The following WDR48 variants were observed in gnomAD, a reference collection of about 807,000 sequenced individuals.
WDR48 encodes the protein WD repeat domain 48.
Under a neutral mutation model 94.0 loss-of-function variants are expected in WDR48, and 22 were observed. The observed-to-expected ratio is 0.23, with a 90% CI of 0.17 to 0.33. WDR48 has a LOEUF of 0.33. WDR48 is among the 10% of genes least tolerant of loss of function. The pLI, the probability that WDR48 is intolerant of heterozygous loss-of-function variation, is 1.00. For missense variants in WDR48, 541 were observed against 813.8 expected (o/e 0.66, Z 4.08); for synonymous variants, 278 against 280.5 (o/e 0.99, Z 0.09).
At chr3:39,071,201 T>C (rs551498249) in intron 7 of WDR48, among the ~76,000 whole-genome samples, 9 of 152,338 alleles carry the variant, frequency 5.9e-5, no homozygotes, top group Admixed American at 2.0e-4. Context: ...AGAATCATAA[T>C]ATATAGTTTA....
intron 1 of WDR48, among the ~76,000 whole-genome samples, chr3:39,061,380 G>C (rs1386356077): frequency 2.0e-5 from 3 of 151,934 alleles, no homozygotes; most frequent in Non-Finnish European, 4.4e-5. Context: ...ATAGTTTGCT[G>C]AGAATGATGG....
intron 11 of WDR48, among the ~76,000 whole-genome samples, chr3:39,082,705 A>T (rs1401610999): frequency 6.6e-6 from 1 of 152,212 alleles, no homozygotes; most frequent in Non-Finnish European, 1.5e-5. Context: ...AAAACAGGTT[A>T]TCAGGAGAAA....
At position 39,078,316 on chromosome 3, in the gene WDR48, T is replaced by C. The variant is rs2034337208; in HGVS notation, c.1075+77T>C. ...TAGAGATTGACAAAAATCAAGACAA[T>C]GACCTTTCTTTAAATATAATCCTGA... On this transcript the variant is annotated intron_variant, in intron 10 of 18. Coordinates refer to ENST00000302313, the MANE Select transcript of WDR48 (RefSeq NM_020839.4). 3 of 980,930 alleles carry C rather than the reference T, an allele frequency of 3.1e-6. No homozygotes were observed. The South Asian group carries it at 4.3e-5, about 14-fold the overall frequency. 60.8% of individuals were successfully genotyped at this position (980,930 alleles called of 1,614,324 possible).
intron 1 of WDR48, among the ~76,000 whole-genome samples, chr3:39,055,918 T>C (rs74366044): frequency 0.043 from 6,546 of 152,336 alleles, 190 homozygotes; most frequent in Non-Finnish European, 0.065. Context: ...AAGAGGACTT[T>C]TGTGCTCACT....
At chr3:39,087,818 A>G (rs1237344846) in intron 14 of WDR48, 1 of 221,528 alleles carries the variant, frequency 4.5e-6, no homozygotes, top group African/African-American at 2.3e-5. Flanking sequence ...CTTCGTTTAT[A>G]TACAGGCTGT....
In WDR48 at chr3:39,060,420, A is replaced by G. The variant is rs200481688; in HGVS notation, c.49-2630A>G. Among the ~76,000 whole-genome samples the G allele has an allele frequency of 3.3e-4, 16 of 48,334 alleles. No homozygotes were observed. In the African/African-American group the frequency reaches 3.9e-3, roughly 12 times the overall value. 31.7% of individuals were successfully genotyped at this position (48,334 alleles called of 152,430 possible). On this transcript the variant is annotated intron_variant, in intron 1 of 18. Coordinates refer to ENST00000302313, the MANE Select transcript of WDR48 (RefSeq NM_020839.4). Reference sequence around the variant, plus strand: ...GTGTCAGTACAGTGTGTGTGTGTGCATATATATATATATATATGCACACAC... The same window carrying G: ...GTGTCAGTACAGTGTGTGTGTGTGCGTATATATATATATATATGCACACAC...
chr3:39,084,526 T>G, intron 12 of WDR48, 119 bp from the exon 13 acceptor site: 1 of 832,728 alleles, frequency 1.2e-6, no homozygotes, highest in Non-Finnish European at 1.8e-6. Context: ...CAAAACACAT[T>G]TTGGTTCCTG....
At position 39,096,198 on chromosome 3, in the gene WDR48, G is replaced by T; in HGVS notation, c.*1455G>T. On this transcript the variant is annotated 3_prime_UTR_variant, in exon 19 of 19. Transcript: ENST00000302313. ...GCTAGTCAGCTTCTTTTGGAAACTG[G>T]ACAGGCCATTGCCACCTGCACTTTG... The T allele has an allele frequency of 6.6e-6, 1 of 152,392 alleles. No homozygotes were observed. Among genetic ancestry groups the T allele is most frequent in the South Asian group, 2.1e-4 (1 of 4,832 alleles). The allele number at this position is 152,392 out of a possible 1,614,324, so 9.4% of individuals were successfully genotyped here.
chr3:39,086,551 T>G (rs1240432509), intron 14 of WDR48, among the ~76,000 whole-genome samples: 1 of 152,166 alleles, frequency 6.6e-6, no homozygotes, highest in African/African-American at 2.4e-5. Flanking sequence ...GGCTTTTCTT[T>G]TACATCACCT....
intron 14 of WDR48, among the ~76,000 whole-genome samples, chr3:39,086,805 G>C (rs1156806137): frequency 6.6e-6 from 1 of 152,174 alleles, no homozygotes; most frequent in African/African-American, 2.4e-5. Context: ...CTAGGCTTTG[G>C]GTGAGGAGTA....
chr3:39,091,816 AT>A, intron 17 of WDR48, 115 bp downstream of exon 17: 1 of 932,582 alleles, frequency 1.1e-6, no homozygotes. Context: ...ATTTTATAAT[AT>A]TCAAAGTTTA....
chr3:39,085,434 T>TA lies in WDR48; in HGVS notation c.1379-80dup, dbSNP rs2034763592. 5 of 1,124,624 alleles carry TA rather than the reference T, an allele frequency of 4.4e-6. No homozygotes were observed. The East Asian group carries it at 1.2e-4, about 27-fold the overall frequency. The allele number at this position is 1,124,624 out of a possible 1,614,324, so 69.7% of individuals were successfully genotyped here. A position where few individuals can be genotyped will look rare whatever the true frequency, so the allele number is the denominator to read the frequency against. On this transcript the variant is annotated intron_variant, in intron 13 of 18. Transcript: ENST00000302313. ...TGTAACATCAGAATATGTACAAACT[T>TA]ACAATTTTTATTCTATTTTTAGGTT...
At chr3:39,072,682 A>C (rs1451701709) in intron 7 of WDR48, among the ~76,000 whole-genome samples, 1 of 152,238 alleles carries the variant, frequency 6.6e-6, no homozygotes, top group Non-Finnish European at 1.5e-5. Flanking sequence ...GAGTTACCTC[A>C]TAATGAACAT....
intron 10 of WDR48, among the ~76,000 whole-genome samples, chr3:39,078,664 C>G (rs1455240232): frequency 6.6e-6 from 1 of 151,866 alleles, no homozygotes; most frequent in Non-Finnish European, 1.5e-5. Context: ...AATGATCTGC[C>G]CGCCTCAGCC....
intron 1 of WDR48, among the ~76,000 whole-genome samples, chr3:39,053,827 G>A (rs1026090537): frequency 2.0e-5 from 3 of 152,178 alleles, no homozygotes; most frequent in African/African-American, 7.2e-5. Flanking sequence ...GAAAAACAGT[G>A]TTCCAATAGG....
At chr3:39,086,430 C>T (rs1255119050) in intron 14 of WDR48, 1 of 152,192 alleles carries the variant, frequency 6.6e-6, no homozygotes, top group East Asian at 1.9e-4. Context: ...TCAGATTCAC[C>T]CATAATGATA....
In WDR48 at chr3:39,093,477, G is replaced by A. The variant is rs147102736; in HGVS notation, c.1746-397G>A. Among the ~76,000 whole-genome samples, 13 of 152,192 alleles carry A rather than the reference G, an allele frequency of 8.5e-5. No homozygotes were observed. In the East Asian group the frequency reaches 2.3e-3, roughly 27 times the overall value. Reference sequence around the variant, plus strand: ...ATCCTGAGTAGCTGGAATTACAGGCGTGCACCACCATGCCCAGCTAATTTT... The same window carrying A: ...ATCCTGAGTAGCTGGAATTACAGGCATGCACCACCATGCCCAGCTAATTTT... On this transcript the variant is annotated intron_variant, in intron 17 of 18. Transcript: ENST00000302313.
intron 14 of WDR48, chr3:39,086,370 G>C (rs766930583): frequency 2.0e-5 from 3 of 152,204 alleles, no homozygotes; most frequent in Non-Finnish European, 2.9e-5. Flanking sequence ...TGGCCACCAG[G>C]AGTGAGCAAC....
chr3:39,052,049 C>T lies in WDR48; in HGVS notation c.24C>T (p.Asn8=), dbSNP rs1211483018. The change falls in exon 1 of 19, where the codon AAC becomes AAT. Residue 8 remains asparagine, a synonymous_variant. Transcript: ENST00000302313. MAAHHRQ[N]TAGRRKVQVS... ...AGATGGCGGCCCATCACCGGCAGAA[C>T]ACAGCAGGGCGGAGGAAAGTGCAGG... 1.9e-6 allele frequency: 3 copies of T among 1,613,876 alleles called. No individual in the cohort carries two copies. Among genetic ancestry groups the T allele is most frequent in the Non-Finnish European group, 1.7e-6 (2 of 1,179,992 alleles).
Sources: gnomAD v4.1 joint callset for allele counts (sites outside exome capture counted in the v4.1 genomes callset) on GRCh38, gnomAD v4.1.1 for gene constraint, MANE v1.5 for transcripts, NCBI Gene and HGNC (gene_info 2026-07-23, HGNC 2026-07-21) for gene names.